Variants in STAT4 observed in about 807,000 individuals in gnomAD.
STAT4 encodes the protein signal transducer and activator of transcription 4.
In STAT4, 42 loss-of-function variants were observed where a neutral mutation model predicts 110.5. The ratio of observed to expected loss-of-function variants is 0.38; its 90% CI spans 0.30 to 0.49. The LOEUF (loss-of-function observed/expected upper bound fraction) is 0.49, where lower values mean the gene tolerates loss of function less well. STAT4 is among the 20% of genes least tolerant of loss of function. STAT4 has a pLI of 0.95. For missense variants in STAT4, 632 were observed against 887.9 expected, an observed-to-expected ratio of 0.71 and a Z score of 3.66; for synonymous variants, 284 against 302.2, an observed-to-expected ratio of 0.94 and a Z score of 0.63.
Position 191,117,825 on chromosome 2 carries a change from C to T in STAT4, c.273+28788G>A, listed in dbSNP as rs1698611601. On this transcript the variant is annotated intron_variant, in intron 3 of 23. Transcript: ENST00000392320. The surrounding 1 kb of genome is among the most constrained non-coding windows in gnomAD (Gnocchi z 5.2). ...CTCCGAGCCACATTCCCAAATTCCA[C>T]CTTTGACCTATTCAGTGAGAATTGG... Among the ~76,000 whole-genome samples the T allele has an allele frequency of 6.6e-6, 1 of 152,176 alleles. No individual in the cohort carries two copies.
intron 14 of STAT4, 63 bp from the exon 15 acceptor site, chr2:191,041,211 TGTTTCTATATAA>T: frequency 1.2e-6 from 1 of 851,792 alleles, no homozygotes; most frequent in Non-Finnish European, 1.6e-6. Context: ...ATAGAAGACT[TGTTTCTATATAA>T]ATTAATATAT....
intron 3 of STAT4, among the ~76,000 whole-genome samples, chr2:191,115,099 T>G (rs577327499): frequency 6.6e-6 from 1 of 152,338 alleles, no homozygotes; most frequent in African/African-American, 2.4e-5. Context: ...GTTTTTCAAT[T>G]CTACCAACAC....
chr2:191,063,230 G>A (rs1224980933), intron 8 of STAT4, among the ~76,000 whole-genome samples: 4 of 151,822 alleles, frequency 2.6e-5, no homozygotes, highest in African/African-American at 9.7e-5. Context: ...CTTTGTTTAA[G>A]CTTATTAAGC....
intron 3 of STAT4, among the ~76,000 whole-genome samples, chr2:191,093,573 C>G (rs1005316176): frequency 6.6e-6 from 1 of 152,112 alleles, no homozygotes; most frequent in African/African-American, 2.4e-5. Context: ...ACATCAAAAC[C>G]CCATCTATAG....
chr2:191,115,068 T>C (rs1698537104), intron 3 of STAT4, among the ~76,000 whole-genome samples: 1 of 152,224 alleles, frequency 6.6e-6, no homozygotes. Flanking sequence ...GTGTTACTTT[T>C]ATAAACAGAA....
chr2:191,124,386 A>G (rs1574179426), intron 3 of STAT4, among the ~76,000 whole-genome samples: 1 of 149,128 alleles, frequency 6.7e-6, no homozygotes, highest in Admixed American at 6.8e-5. Context: ...ACCCAGGAGA[A>G]GGAGGTTGCA....
intron 3 of STAT4, among the ~76,000 whole-genome samples, chr2:191,103,224 A>AT (rs140567135): frequency 6.6e-6 from 1 of 151,980 alleles, no homozygotes; most frequent in African/African-American, 2.4e-5. Flanking sequence ...GTTACGTGGA[A>AT]TTTTTTTAGG....
intron 6 of STAT4, among the ~76,000 whole-genome samples, chr2:191,069,034 T>C (rs890722740): frequency 3.3e-5 from 5 of 152,058 alleles, no homozygotes; most frequent in Admixed American, 2.6e-4. Context: ...CTTTTTGACA[T>C]GAGGAAATAC....
chr2:191,071,582 G>C (rs188130072), intron 5 of STAT4, among the ~76,000 whole-genome samples: 1 of 152,162 alleles, frequency 6.6e-6, no homozygotes, highest in African/African-American at 2.4e-5. Context: ...GTAATTAAGG[G>C]GCTTCTAGAG....
chr2:191,098,205 C>T (rs1215461133), intron 3 of STAT4, among the ~76,000 whole-genome samples: 3 of 152,142 alleles, frequency 2.0e-5, no homozygotes, highest in Non-Finnish European at 2.9e-5. Flanking sequence ...GACAGTGTGG[C>T]GATTCCTCAA....
rs1366778748 is a variant in STAT4 at position 191,147,344 on chromosome 2, TATG to T, written c.129-590_129-588del. 9.2e-5 allele frequency among the ~76,000 whole-genome samples: 14 copies of T among 152,308 alleles called. No homozygotes were observed. In the East Asian group the frequency reaches 2.3e-3, roughly 25 times the overall value. On this transcript the variant is annotated intron_variant, in intron 2 of 23. Coordinates refer to ENST00000392320, the MANE Select transcript of STAT4 (RefSeq NM_003151.4). The surrounding 1 kb of genome is among the most constrained non-coding windows in gnomAD (Gnocchi z 4.1). ...GCTTCAAAAAGGAAGAAAATTCTGA[TATG>T]ATACCTGTTAAACATGAATGAATTT...
At chr2:191,145,322 G>A (rs1312066574) in intron 3 of STAT4, among the ~76,000 whole-genome samples, 1 of 152,024 alleles carries the variant, frequency 6.6e-6, no homozygotes, top group Non-Finnish European at 1.5e-5. Context: ...TAAATTTTAT[G>A]ATCTATTTTA....
intron 3 of STAT4, among the ~76,000 whole-genome samples, chr2:191,087,220 T>A (rs1697657555): frequency 6.6e-6 from 1 of 152,166 alleles, no homozygotes; most frequent in South Asian, 2.1e-4. Flanking sequence ...CTCTTTTCTA[T>A]TTATCCCAAT....
At chr2:191,096,947 A>G (rs1420721448) in intron 3 of STAT4, among the ~76,000 whole-genome samples, 1 of 152,228 alleles carries the variant, frequency 6.6e-6, no homozygotes, top group Non-Finnish European at 1.5e-5. Context: ...TCAATGTGCA[A>G]AAATCACAAG....
chr2:191,049,754 C>A (rs191120102), intron 14 of STAT4, among the ~76,000 whole-genome samples: 29 of 152,222 alleles, frequency 1.9e-4, no homozygotes, highest in African/African-American at 6.7e-4. Flanking sequence ...TGAGAGATAG[C>A]CTTTAATCAC....
rs1401539883 is a variant in STAT4 at position 191,144,931 on chromosome 2, G to T, written c.273+1682C>A. ...TGCTCAAAGCCACATTTGAGAGTCA[G>T]ATTTTTAACCCAGACCTTCTTGGTT... On this transcript the variant is annotated intron_variant, in intron 3 of 23. Coordinates refer to ENST00000392320, the MANE Select transcript of STAT4 (RefSeq NM_003151.4). This position sits in a 1 kb window ranked among gnomAD's most constrained non-coding sequence, Gnocchi z 4.7. Among the ~76,000 whole-genome samples the T allele has an allele frequency of 6.6e-6, 1 of 151,880 alleles. No homozygotes were observed. The highest frequency in any genetic ancestry group is 6.5e-5 in the Admixed American group (1 of 15,268).
At chr2:191,074,598 C>T (rs183379544) in intron 4 of STAT4, among the ~76,000 whole-genome samples, 4 of 151,964 alleles carry the variant, frequency 2.6e-5, no homozygotes, top group African/African-American at 4.8e-5. Context: ...CGTGCACAGA[C>T]GAATAACTAG....
At chr2:191,122,610 C>T (rs1217904711) in intron 3 of STAT4, among the ~76,000 whole-genome samples, 5 of 152,122 alleles carry the variant, frequency 3.3e-5, no homozygotes, top group Non-Finnish European at 7.4e-5. Flanking sequence ...TCTAAGTATC[C>T]ACCCACAGAA....
At chr2:191,126,417 T>A (rs963569938) in intron 3 of STAT4, among the ~76,000 whole-genome samples, 1 of 152,234 alleles carries the variant, frequency 6.6e-6, no homozygotes, top group African/African-American at 2.4e-5. Flanking sequence ...CTACTTTTTA[T>A]GTGATTATCT....
Sources: allele counts gnomAD v4.1 joint callset (sites outside exome capture counted in the v4.1 genomes callset), GRCh38; gene constraint gnomAD v4.1.1; non-coding constraint Gnocchi (gnomAD v3.1); transcripts MANE v1.5; gene names NCBI Gene and HGNC (gene_info 2026-07-23, HGNC 2026-07-21).